The following NR4A1 variants were observed in gnomAD, a reference collection of about 807,000 sequenced individuals.
The protein encoded by NR4A1 is nuclear receptor subfamily 4 group A member 1.
NR4A1 carries 24 observed loss-of-function variants against 47.5 expected under a neutral mutation model. The ratio of observed to expected loss-of-function variants is 0.50; its 90% confidence interval spans 0.37 to 0.71. The LOEUF (loss-of-function observed/expected upper bound fraction) is 0.71, where lower values mean the gene tolerates loss of function less well. Among genes scored for constraint, NR4A1 ranks in the 30% least tolerant of loss-of-function variants. The pLI, the probability that NR4A1 is intolerant of heterozygous loss-of-function variation, is 0.00. For missense variants in NR4A1, 669 were observed against 788.6 expected, an observed-to-expected ratio of 0.85 and a Z score of 1.82; for synonymous variants, 353 against 345.7, an observed-to-expected ratio of 1.02 and a Z score of -0.24.
At chr12:52,035,554 A>G (rs1938216999) in intron 1 of NR4A1, among the ~76,000 whole-genome samples, 1 of 152,158 alleles carries the variant, frequency 6.6e-6, no homozygotes, top group Admixed American at 6.5e-5. Flanking sequence ...GGTAGGAAAC[A>G]GGAGGGCACA....
chr12:52,049,350 G>C (rs1280513371), upstream of NR4A1, among the ~76,000 whole-genome samples: 3 of 152,256 alleles, frequency 2.0e-5, no homozygotes, highest in Non-Finnish European at 4.4e-5. Flanking sequence ...TATGAAGACT[G>C]CTCCATCTGT....
In NR4A1 at chr12:52,059,076, C is replaced by A; in HGVS notation, c.*132C>A. 8.2e-7 allele frequency: 1 copy of A among 1,220,104 alleles called. No individual in the cohort carries two copies. Among genetic ancestry groups the A allele is most frequent in the Non-Finnish European group, 1.1e-6 (1 of 896,644 alleles). 75.6% of individuals were successfully genotyped at this position (1,220,104 alleles called of 1,614,324 possible). ...AATGACTCCACCTTCTCACCTGCTC[C>A]AGGAGGTTTGCAGGGAGCTCAAGCC... On this transcript the variant is annotated 3_prime_UTR_variant, in exon 7 of 7. Coordinates refer to ENST00000394825, the MANE Select transcript of NR4A1 (RefSeq NM_173157.3).
At chr12:52,051,254 C>A (rs891854703), upstream of NR4A1, 5 of 205,260 alleles carry the variant, frequency 2.4e-5, no homozygotes, top group Non-Finnish European at 3.4e-5. Flanking sequence ...CATTCCAGGC[C>A]CCCCCTCCTC....
At chr12:52,045,138 A>T (rs929726681) in intron 2 of NR4A1, among the ~76,000 whole-genome samples, 1 of 152,186 alleles carries the variant, frequency 6.6e-6, no homozygotes, top group Non-Finnish European at 1.5e-5. Flanking sequence ...ATCTCTGGGC[A>T]CACTCTCTTT....
intron 1 of NR4A1, chr12:52,041,656 C>A: frequency 1.2e-6 from 1 of 849,544 alleles, no homozygotes; most frequent in Non-Finnish European, 1.6e-6. Context: ...GCTCCAATGC[C>A]TAACCCGGGG....
upstream of NR4A1, among the ~76,000 whole-genome samples, chr12:52,048,746 AGT>A (rs1938779818): frequency 6.6e-6 from 1 of 152,158 alleles, no homozygotes; most frequent in South Asian, 2.1e-4. Flanking sequence ...TCCTGAGCAA[AGT>A]GTAGCTCCTC....
rs78756712 is a variant in NR4A1, at chr12:52,058,439, T to C, written c.1541-249T>C. On this transcript the variant is annotated intron_variant, in intron 6 of 6. Coordinates refer to ENST00000394825, the MANE Select transcript of NR4A1 (RefSeq NM_173157.3). ...CGTAGGTTAGGATTTTATTTCCCGT[T>C]TGTGACCCTGGGCAAGTCATTAGCC... is the stretch of plus-strand genomic sequence containing the variant. 2.6e-3 allele frequency: 1,394 copies of C among 526,910 alleles called. 14 individuals carry two copies. Among genetic ancestry groups the C allele is most frequent in the African/African-American group, 0.024 (1,246 of 51,652 alleles). The allele number at this position is 526,910 out of a possible 1,614,324, so 32.6% of individuals were successfully genotyped here. A position where few individuals can be genotyped will look rare whatever the true frequency, so the allele number is the denominator to read the frequency against.
Position 52,037,632 on chromosome 12 carries a change from G to A in NR4A1, c.-83-4178G>A, listed in dbSNP as rs1036935130. ...GTCAGCCCCCAAGGGCGACGGCCAA[G>A]GCTTTCTCTCCCCAGTCCGCCAAGG... On this transcript the variant is annotated intron_variant, in intron 1 of 7. Transcript: ENST00000360284. 4 of 985,356 alleles carry A rather than the reference G, an allele frequency of 4.1e-6. No homozygotes were observed. In the African/African-American group the frequency reaches 7.0e-5, roughly 17 times the overall value. 61.0% of individuals were successfully genotyped at this position (985,356 alleles called of 1,614,324 possible).
intron 1 of NR4A1, among the ~76,000 whole-genome samples, chr12:52,039,661 G>A (rs1018979652): frequency 6.6e-6 from 1 of 152,264 alleles, no homozygotes; most frequent in African/African-American, 2.4e-5. Flanking sequence ...TGCCAGTGCT[G>A]AGCAGGGTTT....
rs752163419 is a variant in NR4A1, at chr12:52,056,071, C to G, written c.918C>G (p.Asn306Lys). 3 of 1,539,820 alleles carry G rather than the reference C, an allele frequency of 1.9e-6. No homozygotes were observed. The highest frequency in any genetic ancestry group is 2.6e-6 in the Non-Finnish European group (3 of 1,133,792). ...QKNAKYICLANKDCPVDKRRR... is the reference protein window; with the variant it reads ...QKNAKYICLAKKDCPVDKRRR... ...ACGCCAAGTACATCTGCCTGGCTAA[C>G]AAGGACTGCCCTGTGGACAAGAGGC... The change falls in exon 3 of 7, where the codon AAC (asparagine) becomes AAG (lysine). Residue 306 changes from asparagine to lysine, a missense_variant. Asn to Lys is a moderately conservative substitution (Grantham distance 94). Coordinates refer to ENST00000394825, the MANE Select transcript of NR4A1 (RefSeq NM_173157.3).
chr12:52,054,551 G>T lies in NR4A1; in HGVS notation c.223G>T (p.Val75Phe), dbSNP rs778675970. ...DTFLYQLPGT[V>F]QPCSSASSSA... Reference sequence around the variant, plus strand: ...CTTCCTCTACCAGCTGCCAGGAACAGTCCAGCCATGCTCCTCAGCCTCCTC... The same window carrying T: ...CTTCCTCTACCAGCTGCCAGGAACATTCCAGCCATGCTCCTCAGCCTCCTC... The change falls in exon 2 of 7, where the codon GTC becomes TTC. Residue 75 changes from valine (V) to phenylalanine (F), a missense_variant. Val to Phe is a conservative substitution (Grantham distance 50). Coordinates refer to ENST00000394825, the MANE Select transcript of NR4A1 (RefSeq NM_173157.3). 1 of 1,614,062 alleles carries T rather than the reference G, an allele frequency of 6.2e-7. No homozygotes were observed. Among genetic ancestry groups the T allele is most frequent in the East Asian group, 2.2e-5 (1 of 44,878 alleles).
At chr12:52,034,751 G>C (rs925554629) in intron 1 of NR4A1, among the ~76,000 whole-genome samples, 1 of 152,182 alleles carries the variant, frequency 6.6e-6, no homozygotes, top group Non-Finnish European at 1.5e-5. Context: ...GCTCCTATCT[G>C]TGCAGCCCCC....
chr12:52,025,187 G>A (rs1369315928), intron 1 of NR4A1, among the ~76,000 whole-genome samples: 1 of 151,816 alleles, frequency 6.6e-6, no homozygotes, highest in Non-Finnish European at 1.5e-5. Flanking sequence ...AGTCTCCCGA[G>A]TAGCTGGGAT....
At chr12:52,032,974 G>A (rs1938158961) in intron 1 of NR4A1, among the ~76,000 whole-genome samples, 1 of 152,196 alleles carries the variant, frequency 6.6e-6, no homozygotes. Flanking sequence ...GCCTGCAGCA[G>A]ACCCGAAGGA....
rs749902487 is a variant in NR4A1, at chr12:52,057,442, C to T, written c.1452C>T (p.Asp484=). 1.9e-6 allele frequency: 3 copies of T among 1,614,256 alleles called. No homozygotes were observed. Among genetic ancestry groups the T allele is most frequent in the Non-Finnish European group, 1.7e-6 (2 of 1,180,042 alleles). ...QCARGFGDWI[D]SILAFSRSLH... The stretch of plus-strand genomic sequence containing the variant: ...CCCGTGGCTTCGGGGACTGGATTGA[C>T]AGTATCCTGGCCTTCTCAAGGTCCC... The change falls in exon 6 of 7, where the codon GAC becomes GAT. Residue 484 remains aspartate (D), a synonymous_variant. Transcript: ENST00000394825.
chr12:52,058,605 A>G (rs1189289020), intron 6 of NR4A1, 83 bp from the exon 7 acceptor site: 2 of 1,436,338 alleles, frequency 1.4e-6, no homozygotes, highest in South Asian at 1.5e-5. Context: ...GGTCAGGGGC[A>G]GCAGTTTTAG....
chr12:52,054,795 G>C lies in NR4A1; in HGVS notation c.467G>C (p.Gly156Ala), dbSNP rs1301607353. Residue 156 changes from glycine to alanine, a missense_variant, in exon 2 of 7, where the codon GGC becomes GCC. Physicochemically the swap from Gly to Ala is moderately conservative, Grantham distance 60 (BLOSUM62 0). Coordinates refer to ENST00000394825, the MANE Select transcript of NR4A1 (RefSeq NM_173157.3). Reference sequence around the variant, plus strand: ...CCGCCCCAGCTCTCTCCCTGGGATGGCTCCTTCGGCCACTTCTCGCCCAGC... The same window carrying C: ...CCGCCCCAGCTCTCTCCCTGGGATGCCTCCTTCGGCCACTTCTCGCCCAGC... ...FQPPQLSPWD[G>A]SFGHFSPSQT... The C allele has an allele frequency of 6.2e-7, 1 of 1,612,974 alleles. No homozygotes were observed. Among genetic ancestry groups the C allele is most frequent in the Non-Finnish European group, 8.5e-7 (1 of 1,179,934 alleles).
intron 1 of NR4A1, among the ~76,000 whole-genome samples, chr12:52,030,184 T>A (rs994875486): frequency 3.3e-5 from 5 of 152,200 alleles, no homozygotes; most frequent in African/African-American, 1.2e-4. Flanking sequence ...TCCCCTTCCT[T>A]AGGCCCTGTC....
At position 52,043,651 on chromosome 12, in the gene NR4A1, C is replaced by T. The variant is rs529094085; in HGVS notation, c.37+1722C>T. The T allele has an allele frequency of 4.2e-6, 5 of 1,187,422 alleles. No individual in the cohort carries two copies. In the South Asian group the frequency reaches 7.7e-5, roughly 18 times the overall value. The allele number at this position is 1,187,422 out of a possible 1,614,324, so 73.6% of individuals were successfully genotyped here. A position where few individuals can be genotyped will look rare whatever the true frequency, so the allele number is the denominator to read the frequency against. On this transcript the variant is annotated intron_variant, in intron 2 of 7. Coordinates refer to the NR4A1 transcript ENST00000360284. The stretch of plus-strand genomic sequence containing the variant: ...AGTCAAGAGGGCCCAAAGTGGCTCC[C>T]CCCATCCCCAGAGGCCGGCTCTGGT...
Sources: gnomAD v4.1 joint callset for allele counts (sites outside exome capture counted in the v4.1 genomes callset) on GRCh38, gnomAD v4.1.1 for gene constraint, MANE v1.5 for transcripts, NCBI Gene and HGNC (gene_info 2026-07-23, HGNC 2026-07-21) for gene names.